The following EPHB2 variants were observed in gnomAD, a reference collection of about 807,000 sequenced individuals.
EPHB2 encodes the protein EPH receptor B2.
In EPHB2, 18 loss-of-function variants were observed where a neutral mutation model predicts 96.4. That is an observed-to-expected ratio of 0.19 (90% CI 0.13 to 0.28). The LOEUF is 0.28. Among genes scored for constraint, EPHB2 ranks in the 10% least tolerant of loss-of-function variants. EPHB2 has a pLI of 1.00. For missense variants in EPHB2, 989 were observed against 1,355.4 expected, an observed-to-expected ratio of 0.73 and a Z score of 4.25; for synonymous variants, 506 against 534.1, an observed-to-expected ratio of 0.95 and a Z score of 0.72.
At chr1:22,750,439 T>A (rs1644044200) in intron 1 of EPHB2, among the ~76,000 whole-genome samples, 1 of 152,198 alleles carries the variant, frequency 6.6e-6, no homozygotes, top group Non-Finnish European at 1.5e-5. Context: ...GTCCTGTGTT[T>A]ACATGAGTGT....
intron 1 of EPHB2, among the ~76,000 whole-genome samples, chr1:22,773,293 G>C (rs1040746206): frequency 3.3e-5 from 5 of 152,204 alleles, no homozygotes; most frequent in African/African-American, 1.2e-4. Flanking sequence ...ACCATGAAAA[G>C]AGTGCTGTGA....
At chr1:22,818,707 C>A (rs1188475093) in intron 3 of EPHB2, among the ~76,000 whole-genome samples, 1 of 152,070 alleles carries the variant, frequency 6.6e-6, no homozygotes, top group Non-Finnish European at 1.5e-5. Flanking sequence ...GAATTCCCCT[C>A]TTTCTCTTCC....
At chr1:22,864,823 G>C (rs532391164) in intron 4 of EPHB2, 54 bp from the exon 5 acceptor site, 17 of 1,228,634 alleles carry the variant, frequency 1.4e-5, no homozygotes, top group Non-Finnish European at 1.9e-5. Flanking sequence ...GTGGTCACAT[G>C]GGGAATAGTA....
intron 3 of EPHB2, 28 bp downstream of exon 3, chr1:22,785,104 C>T: frequency 6.2e-7 from 1 of 1,612,802 alleles, no homozygotes; most frequent in Non-Finnish European, 8.5e-7. Flanking sequence ...GCACGTGCCC[C>T]TGCAAATGCA....
At chr1:22,830,626 C>T (rs187815866) in intron 3 of EPHB2, among the ~76,000 whole-genome samples, 1 of 152,278 alleles carries the variant, frequency 6.6e-6, no homozygotes, top group Admixed American at 6.5e-5. Context: ...GGTGCAATCT[C>T]AGCTCACTGC....
intron 1 of EPHB2, among the ~76,000 whole-genome samples, chr1:22,774,920 A>G (rs1287353530): frequency 6.6e-6 from 1 of 152,146 alleles, no homozygotes; most frequent in Non-Finnish European, 1.5e-5. Context: ...AATTCTCACA[A>G]TGACCCATTT....
intron 3 of EPHB2, among the ~76,000 whole-genome samples, chr1:22,830,299 C>T (rs1287900491): frequency 1.3e-5 from 2 of 152,118 alleles, no homozygotes; most frequent in Non-Finnish European, 2.9e-5. Context: ...TGAAGGGGAC[C>T]CACGTGATTC....
intron 3 of EPHB2, among the ~76,000 whole-genome samples, chr1:22,806,425 A>G (rs1644925724): frequency 6.6e-6 from 1 of 152,218 alleles, no homozygotes; most frequent in Admixed American, 6.5e-5. Context: ...CTGGCTAGGC[A>G]CATAGCAAAT....
In EPHB2 at chr1:22,858,543, C is replaced by T. The variant is rs927735065; in HGVS notation, c.812-4494C>T. Among the ~76,000 whole-genome samples, 2 of 152,168 alleles carry T rather than the reference C, an allele frequency of 1.3e-5. No individual in the cohort carries two copies. Among genetic ancestry groups the T allele is most frequent in the East Asian group, 1.9e-4 (1 of 5,198 alleles). On this transcript the variant is annotated intron_variant, in intron 3 of 15. Coordinates refer to ENST00000374630, the MANE Select transcript of EPHB2 (RefSeq NM_017449.5). This position sits in a 1 kb window ranked among gnomAD's most constrained non-coding sequence, Gnocchi z 7.7. ...GGAGGCCTTCCCAAGCCCACACGCC[C>T]GTCAGAGGTACAACTGCCTTCCTGT...
chr1:22,770,826 G>A (rs904274922), intron 1 of EPHB2, among the ~76,000 whole-genome samples: 1 of 152,092 alleles, frequency 6.6e-6, no homozygotes, highest in African/African-American at 2.4e-5. Context: ...GGATGAACAG[G>A]TGGTAGAATA....
Position 22,841,001 on chromosome 1 carries a change from C to G in EPHB2, c.812-22036C>G, listed in dbSNP as rs567481007. Among the ~76,000 whole-genome samples the G allele has an allele frequency of 3.9e-5, 6 of 152,324 alleles. No individual in the cohort carries two copies. In the East Asian group the frequency reaches 1.2e-3, roughly 29 times the overall value. On this transcript the variant is annotated intron_variant, in intron 3 of 15. Coordinates refer to ENST00000374630, the MANE Select transcript of EPHB2 (RefSeq NM_017449.5). ...CTCTTTTAGCCACCTGAGGAGCTCACTGTCTGACAGAGGAGACTAAGTAGC... is the reference window on the plus strand; with the variant it reads ...CTCTTTTAGCCACCTGAGGAGCTCAGTGTCTGACAGAGGAGACTAAGTAGC...
chr1:22,723,839 A>G (rs1034899334), intron 1 of EPHB2, among the ~76,000 whole-genome samples: 1 of 152,270 alleles, frequency 6.6e-6, no homozygotes, highest in Non-Finnish European at 1.5e-5. Flanking sequence ...TCTCATCCTC[A>G]GTATCTCAGC....
At chr1:22,849,610 C>G (rs1237035236) in intron 3 of EPHB2, among the ~76,000 whole-genome samples, 2 of 152,232 alleles carry the variant, frequency 1.3e-5, no homozygotes, top group African/African-American at 4.8e-5. Flanking sequence ...GTTTAGTCCT[C>G]TCTGCCCTGA....
At chr1:22,800,395 T>A (rs1338207353) in intron 3 of EPHB2, 2 of 152,228 alleles carry the variant, frequency 1.3e-5, no homozygotes, top group African/African-American at 4.8e-5. Flanking sequence ...TGTTCCTGTG[T>A]CTGCCTGACC....
chr1:22,859,746 T>C (rs1179735871), intron 3 of EPHB2, among the ~76,000 whole-genome samples: 1 of 152,134 alleles, frequency 6.6e-6, no homozygotes, highest in African/African-American at 2.4e-5. Flanking sequence ...TGAGCCGAGA[T>C]TGTGCCACTG....
At chr1:22,820,418 T>C (rs1645136772) in intron 3 of EPHB2, among the ~76,000 whole-genome samples, 1 of 152,166 alleles carries the variant, frequency 6.6e-6, no homozygotes, top group African/African-American at 2.4e-5. Context: ...CCCAGCACTT[T>C]GGGAGGCTGA....
rs150957873 is a variant in EPHB2, at chr1:22,784,832, C to T, written c.567C>T (p.Ala189=). 1.1e-5 allele frequency: 18 copies of T among 1,604,500 alleles called. No individual in the cohort carries two copies. The highest frequency in any genetic ancestry group is 4.5e-5 in the East Asian group (2 of 44,772). The change falls in exon 3 of 16, where the codon GCC becomes GCT. Residue 189 remains alanine, a synonymous_variant. Transcript: ENST00000374630. This position sits in a 1 kb window ranked among gnomAD's most constrained non-coding sequence, Gnocchi z 5.1. ...ATGGCGGCTGCATGTCCCTCATCGC[C>T]GTGCGTGTCTTCTACCGCAAGTGCC... ...QDYGGCMSLI[A]VRVFYRKCPR...
chr1:22,869,763 T>C (rs1638597223), intron 5 of EPHB2, among the ~76,000 whole-genome samples: 1 of 152,258 alleles, frequency 6.6e-6, no homozygotes, highest in African/African-American at 2.4e-5. Flanking sequence ...CTCATTTCAC[T>C]GACCTTCCTG....
intron 13 of EPHB2, among the ~76,000 whole-genome samples, chr1:22,909,564 A>C (rs1640026005): frequency 2.6e-5 from 4 of 152,194 alleles, no homozygotes; most frequent in African/African-American, 9.7e-5. Context: ...AGTAGCCTGG[A>C]GGCACTGAGG....
Sources: allele counts gnomAD v4.1 joint callset (sites outside exome capture counted in the v4.1 genomes callset), GRCh38; gene constraint gnomAD v4.1.1; non-coding constraint Gnocchi (gnomAD v3.1); transcripts MANE v1.5; gene names NCBI Gene and HGNC (gene_info 2026-07-23, HGNC 2026-07-21).